Variants in DPF3 observed in about 807,000 individuals in gnomAD.
DPF3 encodes the protein double PHD fingers 3, also known as zinc finger protein DPF3.
In DPF3, 18 loss-of-function variants were observed where a neutral mutation model predicts 56.8. The ratio of observed to expected loss-of-function variants is 0.32; its 90% CI spans 0.22 to 0.47. The LOEUF is 0.47. Among genes scored for constraint, DPF3 ranks in the 20% least tolerant of loss-of-function variants. The pLI, the probability that DPF3 is intolerant of heterozygous loss-of-function variation, is 1.00. For missense variants in DPF3, 403 were observed against 488.8 expected (o/e 0.82, Z 1.65); for synonymous variants, 188 against 180.2 (o/e 1.04, Z -0.35).
intron 6 of DPF3, among the ~76,000 whole-genome samples, chr14:72,694,153 G>T (rs1261658856): frequency 6.6e-6 from 1 of 152,184 alleles, no homozygotes; most frequent in Non-Finnish European, 1.5e-5. Context: ...ATGGCTCAAG[G>T]TCACACTACC....
At chr14:72,796,155 A>G (rs2139992722) in intron 1 of DPF3, among the ~76,000 whole-genome samples, 1 of 152,344 alleles carries the variant, frequency 6.6e-6, no homozygotes, top group South Asian at 2.1e-4. Context: ...TGATCTGCTA[A>G]TTAGCTGGGT....
chr14:72,629,171 T>C (rs1885019006), intron 9 of DPF3, among the ~76,000 whole-genome samples: 1 of 152,196 alleles, frequency 6.6e-6, no homozygotes, highest in South Asian at 2.1e-4. Flanking sequence ...GAGATACATA[T>C]GAAGTAGTTA....
chr14:72,780,774 G>A (rs61986303), intron 1 of DPF3, among the ~76,000 whole-genome samples: 4 of 109,160 alleles, frequency 3.7e-5, no homozygotes, highest in Admixed American at 3.0e-4. Context: ...CTCCTTCTCT[G>A]AACTTTACAA....
chr14:72,671,186 G>T, intron 8 of DPF3: 1 of 1,613,932 alleles, frequency 6.2e-7, no homozygotes. Flanking sequence ...CCACTGCGGC[G>T]TCCTCGACAG....
intron 1 of DPF3, chr14:72,892,547 T>TC: frequency 7.2e-7 from 1 of 1,384,738 alleles, no homozygotes; most frequent in Non-Finnish European, 9.3e-7. Flanking sequence ...CGCAAACACG[T>TC]CCGATTCTCC....
At chr14:72,885,883 T>C (rs1180852046) in intron 1 of DPF3, among the ~76,000 whole-genome samples, 1 of 152,232 alleles carries the variant, frequency 6.6e-6, no homozygotes, top group Non-Finnish European at 1.5e-5. Flanking sequence ...GTTCTGACTA[T>C]GCTACAACAT....
At chr14:72,810,859 G>C (rs1010505539) in intron 1 of DPF3, among the ~76,000 whole-genome samples, 1 of 152,224 alleles carries the variant, frequency 6.6e-6, no homozygotes, top group African/African-American at 2.4e-5. Flanking sequence ...CACTGGAATA[G>C]AGTGAGCCCT....
chr14:72,740,902 T>C (rs1186913970), intron 3 of DPF3, among the ~76,000 whole-genome samples: 1 of 152,076 alleles, frequency 6.6e-6, no homozygotes, highest in East Asian at 1.9e-4. Context: ...TGGGGCCTTT[T>C]AAAAGGCTAT....
intron 8 of DPF3, among the ~76,000 whole-genome samples, chr14:72,646,686 GC>G (rs1885735780): frequency 2.6e-5 from 4 of 152,046 alleles, no homozygotes; most frequent in Non-Finnish European, 4.4e-5. Flanking sequence ...CATCTCTTTT[GC>G]CCTCCTTGCC....
chr14:72,857,712 G>A (rs532040491), intron 1 of DPF3, among the ~76,000 whole-genome samples: 10 of 152,008 alleles, frequency 6.6e-5, no homozygotes, highest in African/African-American at 1.7e-4. Context: ...TCAGCCTCCC[G>A]AGCAGCTGGG....
At chr14:72,694,437 C>A (rs538050047) in intron 6 of DPF3, among the ~76,000 whole-genome samples, 1 of 152,214 alleles carries the variant, frequency 6.6e-6, no homozygotes, top group Non-Finnish European at 1.5e-5. Context: ...ACAACTTTAG[C>A]ATCAGGCCTG....
At chr14:72,661,256 C>T (rs780768787) in intron 8 of DPF3, 248 of 985,292 alleles carry the variant, frequency 2.5e-4, no homozygotes, top group Admixed American at 5.5e-4. Context: ...ATGATACAGA[C>T]ACTCTCGGTG....
intron 1 of DPF3, among the ~76,000 whole-genome samples, chr14:72,831,154 G>T (rs898056326): frequency 1.3e-5 from 2 of 152,152 alleles, no homozygotes; most frequent in South Asian, 4.1e-4. Context: ...ATAAAAGGGC[G>T]TTGGGGGAAG....
chr14:72,840,758 C>T (rs1190927394), intron 1 of DPF3, among the ~76,000 whole-genome samples: 1 of 152,182 alleles, frequency 6.6e-6, no homozygotes, highest in East Asian at 1.9e-4. Context: ...TTGGCCACTA[C>T]CAACAAAAAA....
At chr14:72,838,914 T>A (rs1175865849) in intron 1 of DPF3, among the ~76,000 whole-genome samples, 14,566 of 44,642 alleles carry the variant, frequency 0.33, 2,372 homozygotes, top group East Asian at 0.5. Context: ...TATTCTTTTT[T>A]TTTTTTTTTT....
chr14:72,702,054 C>A (rs1888186914), intron 6 of DPF3, among the ~76,000 whole-genome samples: 1 of 152,306 alleles, frequency 6.6e-6, no homozygotes, highest in Non-Finnish European at 1.5e-5. Flanking sequence ...GAAACTGAGT[C>A]TGGGGGAGTT....
intron 8 of DPF3, among the ~76,000 whole-genome samples, chr14:72,654,282 G>T (rs1336359838): frequency 6.6e-6 from 1 of 151,916 alleles, no homozygotes; most frequent in Admixed American, 6.6e-5. Flanking sequence ...CTGAGCCTTT[G>T]CTCAGGTATT....
At chr14:72,829,810 C>A (rs1883976155) in intron 1 of DPF3, among the ~76,000 whole-genome samples, 1 of 151,562 alleles carries the variant, frequency 6.6e-6, no homozygotes, top group East Asian at 2.0e-4. Context: ...GTGGCGTGAT[C>A]TCTGCTCATT....
intron 1 of DPF3, among the ~76,000 whole-genome samples, chr14:72,779,908 G>A (rs1483516073): frequency 1.3e-5 from 2 of 152,196 alleles, no homozygotes; most frequent in Non-Finnish European, 2.9e-5. Flanking sequence ...CACCAAGGCT[G>A]AGCCTCAGGC....
Sources: allele counts gnomAD v4.1 joint callset (sites outside exome capture counted in the v4.1 genomes callset), GRCh38; gene constraint gnomAD v4.1.1; transcripts MANE v1.5; gene names NCBI Gene and HGNC (gene_info 2026-07-23, HGNC 2026-07-21).